Variants in BACH1 observed in about 807,000 individuals in gnomAD.
BACH1 encodes the protein BTB domain and CNC homolog 1, also known as transcription regulator protein BACH1.
BACH1 carries 35 observed loss-of-function variants against 52.9 expected under a neutral mutation model. The observed-to-expected ratio is 0.66, with a 90% CI of 0.51 to 0.88. The LOEUF (loss-of-function observed/expected upper bound fraction) is 0.88, where lower values mean the gene tolerates loss of function less well. Among genes scored for constraint, BACH1 ranks in the 40% least tolerant of loss-of-function variants. BACH1 has a pLI of 0.00. For synonymous variants in BACH1, 321 were observed against 319.6 expected (o/e 1.00, Z -0.05); for missense variants, 808 against 872.6 (o/e 0.93, Z 0.93).
chr21:29,317,985 C>T (rs1429441753), intron 1 of BACH1, among the ~76,000 whole-genome samples: 1 of 152,020 alleles, frequency 6.6e-6, no homozygotes, highest in South Asian at 2.1e-4. Flanking sequence ...AATTCTGAGA[C>T]TCTAAATCCT....
At chr21:29,317,075 C>A (rs968257662) in intron 1 of BACH1, among the ~76,000 whole-genome samples, 3 of 152,216 alleles carry the variant, frequency 2.0e-5, no homozygotes, top group African/African-American at 7.2e-5. Flanking sequence ...TCAGCAGTAG[C>A]ATTAGATTCT....
chr21:29,325,508 A>G (rs906139509), intron 2 of BACH1, among the ~76,000 whole-genome samples: 2 of 152,326 alleles, frequency 1.3e-5, no homozygotes, highest in African/African-American at 4.8e-5. Context: ...GAATCTTTAA[A>G]ACTTTTACTG....
At chr21:29,341,020 G>A (rs2089106328) in intron 4 of BACH1, among the ~76,000 whole-genome samples, 1 of 148,060 alleles carries the variant, frequency 6.8e-6, no homozygotes, top group South Asian at 2.2e-4. Flanking sequence ...ACAGATTGGA[G>A]AATACTTTGC....
downstream of BACH1, chr21:29,346,223 G>A (rs981245908): frequency 6.6e-6 from 1 of 151,786 alleles, no homozygotes; most frequent in African/African-American, 2.4e-5. Flanking sequence ...TCGGTAATTA[G>A]TATATCTGAA....
At chr21:29,358,769 GAAAAGAAA>G (rs2089251016) in intron 2 of BACH1, among the ~76,000 whole-genome samples, 2 of 31,142 alleles carry the variant, frequency 6.4e-5, no homozygotes, top group South Asian at 2.0e-3. Context: ...GAAAAGAAAA[GAAAAGAAA>G]GAAAGAAAGA....
At chr21:29,351,204 C>A (rs1313799016) in intron 2 of BACH1, among the ~76,000 whole-genome samples, 2 of 152,194 alleles carry the variant, frequency 1.3e-5, no homozygotes, top group African/African-American at 2.4e-5. Flanking sequence ...TTTCAGGAGA[C>A]CGGACCTAAA....
At chr21:29,311,110 G>A (rs956255949) in intron 1 of BACH1, among the ~76,000 whole-genome samples, 9 of 152,112 alleles carry the variant, frequency 5.9e-5, no homozygotes, top group Non-Finnish European at 1.3e-4. Flanking sequence ...TTTTTCTGGA[G>A]GATACCCTTA....
chr21:29,354,351 G>A (rs2089220950), intron 2 of BACH1, among the ~76,000 whole-genome samples: 4 of 152,180 alleles, frequency 2.6e-5, no homozygotes, highest in Admixed American at 6.5e-5. Flanking sequence ...ACTTTTGAAA[G>A]GTGTGATATG....
chr21:29,321,497 ATTAC>A lies in BACH1; in HGVS notation c.219_222del (p.Thr74PhefsTer5). ...AGGCCAGGCTGATGGAGAGCTGAAC[ATTAC>A]TCTTCCAGAAGAGGTGAGAGATCCA... On this transcript the variant is annotated frameshift_variant, in exon 2 of 5. Coordinates refer to ENST00000286800, the MANE Select transcript of BACH1 (RefSeq NM_001186.4). LOFTEE classifies it high-confidence loss of function. 6.2e-7 allele frequency: 1 copy of A among 1,613,894 alleles called. No homozygotes were observed. The highest frequency in any genetic ancestry group is 1.1e-5 in the South Asian group (1 of 91,076).
chr21:29,318,681 A>C (rs1024117765), intron 1 of BACH1, among the ~76,000 whole-genome samples: 5 of 152,202 alleles, frequency 3.3e-5, no homozygotes, highest in African/African-American at 9.6e-5. Flanking sequence ...CAGGATGAGA[A>C]GCGGTGGGCC....
chr21:29,355,120 C>T (rs1174236171), intron 2 of BACH1, among the ~76,000 whole-genome samples: 1 of 152,182 alleles, frequency 6.6e-6, no homozygotes. Flanking sequence ...TTTGGCTCTG[C>T]CACATCCTGC....
downstream of BACH1, among the ~76,000 whole-genome samples, chr21:29,350,408 A>G (rs942301617): frequency 6.6e-6 from 1 of 152,210 alleles, no homozygotes; most frequent in Non-Finnish European, 1.5e-5. Flanking sequence ...CCAAAACAAA[A>G]CCTCAGTTGC....
In BACH1 at chr21:29,326,144, G is replaced by A; in HGVS notation, c.320G>A (p.Cys107Tyr). 1 of 1,614,158 alleles carries A rather than the reference G, an allele frequency of 6.2e-7. No homozygotes were observed. Among genetic ancestry groups the A allele is most frequent in the South Asian group, 1.1e-5 (1 of 91,080 alleles). ...ILSKENVDEV[C>Y]KCVEFLSVHN... ...AGTAAAGAGAATGTGGATGAAGTGTGCAAATGTGTGGAGTTTTTAAGTGTA... is the reference window on the plus strand; with the variant it reads ...AGTAAAGAGAATGTGGATGAAGTGTACAAATGTGTGGAGTTTTTAAGTGTA... The change falls in exon 3 of 5, where the codon TGC (cysteine) becomes TAC (tyrosine). Residue 107 changes from cysteine (C) to tyrosine (Y), a missense_variant. Transcript: ENST00000286800.
intron 1 of BACH1, among the ~76,000 whole-genome samples, chr21:29,311,944 G>T (rs1237466222): frequency 6.6e-6 from 1 of 152,244 alleles, no homozygotes; most frequent in Non-Finnish European, 1.5e-5. Flanking sequence ...GATGTAAAGT[G>T]ACATGCTTAA....
intron 2 of BACH1, among the ~76,000 whole-genome samples, chr21:29,323,600 C>T (rs995568860): frequency 2.9e-4 from 44 of 152,158 alleles, no homozygotes; most frequent in African/African-American, 9.9e-4. Context: ...GAGGGTGGGT[C>T]TTCCTCTCCC....
intron 2 of BACH1, among the ~76,000 whole-genome samples, chr21:29,356,506 C>G (rs1215933486): frequency 3.3e-5 from 5 of 152,266 alleles, no homozygotes; most frequent in Non-Finnish European, 7.3e-5. Context: ...TTATCACTTA[C>G]TGAATACCCA....
chr21:29,348,734 G>A (rs2089185351), downstream of BACH1, among the ~76,000 whole-genome samples: 1 of 152,104 alleles, frequency 6.6e-6, no homozygotes, highest in Admixed American at 6.5e-5. Context: ...GGCGTTTTCA[G>A]GCCTGAGCCA....
chr21:29,358,775 AAAGAAAGAAAGAAAGAAAG>A (rs1380121844), intron 2 of BACH1, among the ~76,000 whole-genome samples: 4 of 83,472 alleles, frequency 4.8e-5, no homozygotes, highest in African/African-American at 5.4e-5. Flanking sequence ...AAAAGAAAAG[AAAGAAAGAAAGAAAGAAAG>A]AAAGAAAGAA....
chr21:29,361,409 G>A (rs2089270975), intron 2 of BACH1: 1 of 152,092 alleles, frequency 6.6e-6, no homozygotes, highest in African/African-American at 2.4e-5. Context: ...TTAACAAGGG[G>A]AAAGAGCCGT....
Sources: gnomAD v4.1 joint callset for allele counts (sites outside exome capture counted in the v4.1 genomes callset) on GRCh38, gnomAD v4.1.1 for gene constraint, MANE v1.5 for transcripts, NCBI Gene and HGNC (gene_info 2026-07-23, HGNC 2026-07-21) for gene names.